PCDHGA4: variants seen among roughly 807,000 people sequenced by gnomAD.
The protein encoded by PCDHGA4 is protocadherin gamma subfamily A, 4.
In PCDHGA4, 38 loss-of-function variants were observed where a neutral mutation model predicts 54.6. The observed-to-expected ratio is 0.70, with a 90% confidence interval of 0.54 to 0.91. The LOEUF (loss-of-function observed/expected upper bound fraction) is 0.91, where lower values mean the gene tolerates loss of function less well. PCDHGA4 is among the 40% of genes least tolerant of loss of function. The pLI is 0.00. For synonymous variants in PCDHGA4, 511 were observed against 512.9 expected (o/e 1.00, Z 0.05); for missense variants, 1,298 against 1,220.9 (o/e 1.06, Z -0.94).
chr5:141,500,894 C>G (rs1221911920), intron 2 of PCDHGA4, among the ~76,000 whole-genome samples: 1 of 150,982 alleles, frequency 6.6e-6, no homozygotes, highest in African/African-American at 2.4e-5. Flanking sequence ...TTTTTTGAGA[C>G]AGTCTCGCTC....
In PCDHGA4 at chr5:141,477,806, G is replaced by T; in HGVS notation, c.2515-17001G>T. ...ATTTGTCACTGATCGCAATGACAAT[G>T]CCCCCCAGGTCCTATATCCTCGGCC... On this transcript the variant is annotated intron_variant, in intron 1 of 3. Coordinates refer to ENST00000571252, the MANE Select transcript of PCDHGA4 (RefSeq NM_018917.4). The surrounding 1 kb of genome is among the most constrained non-coding windows in gnomAD (Gnocchi z 4.9). 6.2e-7 allele frequency: 1 copy of T among 1,614,118 alleles called. No homozygotes were observed. The highest frequency in any genetic ancestry group is 8.5e-7 in the Non-Finnish European group (1 of 1,180,036).
chr5:141,376,183 C>A, intron 1 of PCDHGA4: 1 of 1,614,148 alleles, frequency 6.2e-7, no homozygotes, highest in Non-Finnish European at 8.5e-7. Flanking sequence ...TGGCCGCGGT[C>A]TCCTGCGTCT....
intron 1 of PCDHGA4, chr5:141,415,051 C>G: frequency 6.2e-7 from 1 of 1,613,458 alleles, no homozygotes; most frequent in Non-Finnish European, 8.5e-7. Context: ...GGTGGGGGAG[C>G]ACACGGGCGA....
chr5:141,420,968 T>A (rs1031890748), intron 1 of PCDHGA4: 1 of 441,548 alleles, frequency 2.3e-6, no homozygotes, highest in Non-Finnish European at 4.0e-6. Context: ...GTTGCAATAA[T>A]AAGAATGGGC....
intron 1 of PCDHGA4, chr5:141,395,176 A>G (rs750497200): frequency 1.1e-5 from 18 of 1,614,206 alleles, no homozygotes; most frequent in East Asian, 8.9e-5. Flanking sequence ...TGTGAGAAAA[A>G]TGATTCTTTG....
intron 1 of PCDHGA4, chr5:141,418,683 CAG>C: frequency 6.2e-7 from 1 of 1,614,048 alleles, no homozygotes; most frequent in African/African-American, 1.3e-5. Flanking sequence ...GGCATCAACT[CAG>C]AGATCACTTA....
intron 1 of PCDHGA4, chr5:141,419,137 CAG>C (rs1561778402): frequency 1.2e-6 from 2 of 1,613,892 alleles, no homozygotes; most frequent in South Asian, 1.1e-5. Context: ...CAGCCACAGA[CAG>C]GGGCAAGCCT....
chr5:141,382,427 G>T (rs1422765851), intron 1 of PCDHGA4, among the ~76,000 whole-genome samples: 1 of 152,138 alleles, frequency 6.6e-6, no homozygotes, highest in African/African-American at 2.4e-5. Context: ...GTGCCCAAAA[G>T]AGTCACTTGA....
At chr5:141,470,016 C>G (rs116065751) in intron 1 of PCDHGA4, among the ~76,000 whole-genome samples, 1 of 152,146 alleles carries the variant, frequency 6.6e-6, no homozygotes, top group Non-Finnish European at 1.5e-5. Context: ...GTAATCCCAG[C>G]TACTCGGGAT....
At chr5:141,413,625 C>A (rs372855865) in intron 1 of PCDHGA4, 22 of 1,613,734 alleles carry the variant, frequency 1.4e-5, no homozygotes, top group Non-Finnish European at 1.9e-5. Flanking sequence ...ATGAAAATGT[C>A]GCTGCGGGAA....
chr5:141,364,767 C>T (rs868142397), intron 1 of PCDHGA4: 1 of 1,613,876 alleles, frequency 6.2e-7, no homozygotes, highest in Non-Finnish European at 8.5e-7. Flanking sequence ...AATGAAAATG[C>T]GGCTGCAGGG....
chr5:141,388,910 C>T, intron 1 of PCDHGA4: 1 of 1,613,852 alleles, frequency 6.2e-7, no homozygotes, highest in East Asian at 2.2e-5. Context: ...ATGACAACGC[C>T]CCAGAAGTGA....
At chr5:141,415,725 T>A in intron 1 of PCDHGA4, 1 of 1,437,122 alleles carries the variant, frequency 7.0e-7, no homozygotes, top group Non-Finnish European at 9.2e-7. Context: ...TGAGTAGAAT[T>A]TGATGTTTAT....
intron 1 of PCDHGA4, chr5:141,402,944 G>C (rs1487270083): frequency 2.5e-6 from 4 of 1,592,136 alleles, no homozygotes; most frequent in African/African-American, 1.3e-5. Context: ...ATTCCAAAGC[G>C]AGGCAGCAAT....
intron 3 of PCDHGA4, among the ~76,000 whole-genome samples, chr5:141,506,879 G>T (rs958969109): frequency 6.6e-6 from 1 of 152,172 alleles, no homozygotes; most frequent in Non-Finnish European, 1.5e-5. Flanking sequence ...AGAACCAGGT[G>T]AAATCACAAG....
chr5:141,432,803 G>T lies in PCDHGA4; in HGVS notation c.2515-62004G>T, dbSNP rs751950423. 3 of 1,614,160 alleles carry T rather than the reference G, an allele frequency of 1.9e-6. No homozygotes were observed. The highest frequency in any genetic ancestry group is 2.2e-5 in the East Asian group (1 of 44,874). ...GGACCTCGGCAGCCTCGAGTCTCCA[G>T]CTAACTCTGAAACCTCAGACCTCAC... On this transcript the variant is annotated intron_variant, in intron 1 of 3. Coordinates refer to ENST00000571252, the MANE Select transcript of PCDHGA4 (RefSeq NM_018917.4). This position sits in a 1 kb window ranked among gnomAD's most constrained non-coding sequence, Gnocchi z 6.0.
At position 141,455,354 on chromosome 5, in the gene PCDHGA4, T is replaced by C. The variant is rs185319743; in HGVS notation, c.2515-39453T>C. ...TGGTTTTAAGGAGCGGAGAGTTTAA[T>C]AGGCAAGAAGGAAGGGAGAAGACAG... On this transcript the variant is annotated intron_variant, in intron 1 of 3. Coordinates refer to ENST00000571252, the MANE Select transcript of PCDHGA4 (RefSeq NM_018917.4). Among the ~76,000 whole-genome samples the C allele has an allele frequency of 1.7e-3, 263 of 152,180 alleles. 2 individuals are homozygous for C. The highest frequency in any genetic ancestry group is 3.0e-3 in the Non-Finnish European group (207 of 68,010).
chr5:141,393,853 T>A, intron 1 of PCDHGA4: 1 of 1,613,992 alleles, frequency 6.2e-7, no homozygotes, highest in Admixed American at 1.7e-5. Context: ...AGACCAGAAG[T>A]GATCATTACG....
Position 141,489,068 on chromosome 5 carries a change from G to GGCC in PCDHGA4, c.2515-5739_2515-5738insGCC. The GGCC allele has an allele frequency of 3.4e-6, 1 of 291,556 alleles. No individual in the cohort carries two copies. The allele number at this position is 291,556 out of a possible 1,614,324, so 18.1% of individuals were successfully genotyped here. A position where few individuals can be genotyped will look rare whatever the true frequency, so the allele number is the denominator to read the frequency against. ...CTCAAATTCAGCTCCCCTCCCCCCT[G>GGCC]CCCACCCCCGCCACTCGGTGACTAA... On this transcript the variant is annotated intron_variant, in intron 1 of 3. Coordinates refer to ENST00000571252, the MANE Select transcript of PCDHGA4 (RefSeq NM_018917.4). The surrounding 1 kb of genome is among the most constrained non-coding windows in gnomAD (Gnocchi z 4.5).
Sources: allele counts gnomAD v4.1 joint callset (sites outside exome capture counted in the v4.1 genomes callset), GRCh38; gene constraint gnomAD v4.1.1; non-coding constraint Gnocchi (gnomAD v3.1); transcripts MANE v1.5; gene names NCBI Gene and HGNC (gene_info 2026-07-23, HGNC 2026-07-21).